The following LINGO2 variants were observed in gnomAD, a reference collection of about 807,000 sequenced individuals.
LINGO2 encodes the protein leucine-rich repeat and immunoglobulin-like domain-containing nogo receptor-interacting protein 2.
Under a neutral mutation model 30.6 loss-of-function variants are expected in LINGO2, and 14 were observed. The ratio of observed to expected loss-of-function variants is 0.46; its 90% CI spans 0.30 to 0.72. LINGO2 has a LOEUF of 0.72. Among genes scored for constraint, LINGO2 ranks in the 30% least tolerant of loss-of-function variants. The pLI is 0.07. For synonymous variants in LINGO2, 317 were observed against 288.5 expected, an observed-to-expected ratio of 1.10 and a Z score of -1.00; for missense variants, 729 against 751.7, an observed-to-expected ratio of 0.97 and a Z score of 0.35.
At chr9:28,570,611 A>G (rs551443650) in intron 1 of LINGO2, among the ~76,000 whole-genome samples, 2 of 151,782 alleles carry the variant, frequency 1.3e-5, no homozygotes, top group Admixed American at 1.3e-4. Context: ...CAGTTTGCAA[A>G]AAAAAAAACA....
exon 6 of LINGO2, chr9:27,949,793 G>A (rs1823546437): frequency 1.2e-6 from 2 of 1,614,012 alleles, no homozygotes; most frequent in Non-Finnish European, 1.7e-6. Context: ...TCAGGTCAGA[G>A]AACATGCCTG....
At chr9:28,774,156 C>T in the LINGO2 span, among the ~76,000 whole-genome samples, 1 of 151,818 alleles carries the variant, frequency 6.6e-6, no homozygotes, top group African/African-American at 2.4e-5. Context: ...TGAGCTTTCT[C>T]TTTTGATTTT....
the LINGO2 span, among the ~76,000 whole-genome samples, chr9:28,976,457 C>T: frequency 2.0e-5 from 3 of 152,058 alleles, no homozygotes; most frequent in African/African-American, 7.2e-5. Context: ...TAGAGATAAG[C>T]ATATAAGCCC....
intron 1 of LINGO2, among the ~76,000 whole-genome samples, chr9:28,551,037 A>G (rs1271520517): frequency 6.6e-6 from 1 of 151,900 alleles, no homozygotes; most frequent in Non-Finnish European, 1.5e-5. Context: ...TTCAGAGTAT[A>G]TTAACATTCA....
the LINGO2 span, among the ~76,000 whole-genome samples, chr9:28,897,965 A>C: frequency 6.6e-6 from 1 of 152,002 alleles, no homozygotes; most frequent in Middle Eastern, 3.5e-3. Context: ...CTTGTAAGCT[A>C]GTTCTTCATC....
the LINGO2 span, among the ~76,000 whole-genome samples, chr9:29,004,144 C>A: frequency 2.0e-5 from 3 of 151,888 alleles, no homozygotes; most frequent in African/African-American, 7.3e-5. Flanking sequence ...GAAATTAATC[C>A]ATGAATATGT....
the LINGO2 span, among the ~76,000 whole-genome samples, chr9:29,156,779 T>A: frequency 2.6e-5 from 4 of 152,200 alleles, no homozygotes; most frequent in East Asian, 3.9e-4. Flanking sequence ...AATTCACTCA[T>A]CCATATTTTC....
chr9:28,502,577 A>G (rs1378309172), intron 1 of LINGO2, among the ~76,000 whole-genome samples: 1 of 152,124 alleles, frequency 6.6e-6, no homozygotes. Flanking sequence ...GGCAAATACA[A>G]CAAAAAACTA....
At chr9:29,066,911 T>G in the LINGO2 span, among the ~76,000 whole-genome samples, 1 of 151,874 alleles carries the variant, frequency 6.6e-6, no homozygotes, top group Non-Finnish European at 1.5e-5. Flanking sequence ...CCTTCTAAGT[T>G]AACCAGTTTC....
At chr9:29,065,633 GT>G in the LINGO2 span, among the ~76,000 whole-genome samples, 1 of 151,846 alleles carries the variant, frequency 6.6e-6, no homozygotes, top group Admixed American at 6.6e-5. Flanking sequence ...AGTTAATACA[GT>G]GCCTGTACTG....
the LINGO2 span, among the ~76,000 whole-genome samples, chr9:29,112,808 T>G: frequency 6.6e-6 from 1 of 152,178 alleles, no homozygotes; most frequent in African/African-American, 2.4e-5. Context: ...TCTTTAACAT[T>G]GAAAGCTGAT....
At chr9:28,876,244 T>C in the LINGO2 span, among the ~76,000 whole-genome samples, 1 of 151,882 alleles carries the variant, frequency 6.6e-6, no homozygotes, top group African/African-American at 2.4e-5. Context: ...ATTATTATTA[T>C]TATTTTTATT....
chr9:28,712,757 T>C, the LINGO2 span, among the ~76,000 whole-genome samples: 2 of 152,062 alleles, frequency 1.3e-5, no homozygotes, highest in African/African-American at 4.8e-5. Flanking sequence ...CTATTTCAAA[T>C]ATGTAGCAAA....
chr9:29,209,811 G>A, the LINGO2 span, among the ~76,000 whole-genome samples: 11 of 151,976 alleles, frequency 7.2e-5, no homozygotes, highest in Non-Finnish European at 1.6e-4. Flanking sequence ...GTTGGTTGAG[G>A]GCTATGACAA....
the LINGO2 span, among the ~76,000 whole-genome samples, chr9:29,069,413 A>C: frequency 6.6e-6 from 1 of 151,722 alleles, no homozygotes; most frequent in South Asian, 2.1e-4. Context: ...TATTAAAGGG[A>C]TATCAATTAG....
In LINGO2 at chr9:27,992,617, A is replaced by T. The variant is rs1349303745; in HGVS notation, c.-36+19738T>A. ...CAATGCAAAACTAATTTAATAATAT[A>T]AAGTGAAAAAATAAAATTATATCAA... On this transcript the variant is annotated intron_variant, in intron 5 of 5. Transcript: ENST00000379992. Among the ~76,000 whole-genome samples, 3 of 152,108 alleles carry T rather than the reference A, an allele frequency of 2.0e-5. No individual in the cohort carries two copies. In the South Asian group the frequency reaches 6.2e-4, roughly 31 times the overall value.
chr9:28,474,630 C>T lies in LINGO2; in HGVS notation c.-279+1310G>A, dbSNP rs889522697. 4.6e-5 allele frequency among the ~76,000 whole-genome samples: 7 copies of T among 152,210 alleles called. No individual in the cohort carries two copies. In the East Asian group the frequency reaches 1.2e-3, roughly 25 times the overall value. On this transcript the variant is annotated intron_variant, in intron 2 of 5. Transcript: ENST00000379992. ...TTTTAACAATTTGGAAGTTGATCTT[C>T]TTGTCCCTTGGACCATACAACAGGT...
the LINGO2 span, among the ~76,000 whole-genome samples, chr9:28,922,144 A>G: frequency 5.9e-5 from 9 of 152,152 alleles, no homozygotes; most frequent in Admixed American, 5.9e-4. Context: ...TTCTCAAGTT[A>G]CCCAATGTGA....
At chr9:28,880,638 C>T in the LINGO2 span, among the ~76,000 whole-genome samples, 93 of 151,850 alleles carry the variant, frequency 6.1e-4, no homozygotes, top group African/African-American at 2.1e-3. Context: ...GCCCAACACC[C>T]GTAAAGGGTC....
Sources: allele counts gnomAD v4.1 joint callset (sites outside exome capture counted in the v4.1 genomes callset), GRCh38; gene constraint gnomAD v4.1.1; transcripts MANE v1.5; gene names NCBI Gene and HGNC (gene_info 2026-07-23, HGNC 2026-07-21).